Variants in ARSB observed in about 807,000 individuals in gnomAD.
ARSB encodes arylsulfatase B, also known as N-acetylgalactosamine-4-sulfatase.
In ARSB, 41 loss-of-function variants were observed where a neutral mutation model predicts 50.9. The observed-to-expected ratio is 0.81, with a 90% CI of 0.63 to 1.04. ARSB has a LOEUF of 1.04. Among genes scored for constraint, ARSB ranks in the 50% least tolerant of loss-of-function variants. The probability of loss-of-function intolerance (pLI) is 0.00; values close to 1 mark genes in which losing one functional copy is unlikely to be tolerated. For missense variants in ARSB, 672 were observed against 693.3 expected (o/e 0.97, Z 0.35); for synonymous variants, 269 against 284.8 (o/e 0.94, Z 0.56).
At chr5:78,925,772 G>A (rs1382601078) in intron 4 of ARSB, among the ~76,000 whole-genome samples, 1 of 152,134 alleles carries the variant, frequency 6.6e-6, no homozygotes, top group Non-Finnish European at 1.5e-5. Context: ...CTGGTCCCCT[G>A]TGCTTTTCGA....
chr5:78,849,542 A>C (rs200937968), intron 5 of ARSB, among the ~76,000 whole-genome samples: 1 of 151,986 alleles, frequency 6.6e-6, no homozygotes, highest in African/African-American at 2.4e-5. Flanking sequence ...TTGACTTGGC[A>C]ATGTGGGCTC....
intron 4 of ARSB, among the ~76,000 whole-genome samples, chr5:78,940,993 C>T: frequency 2.0e-5 from 3 of 151,648 alleles, no homozygotes; most frequent in Non-Finnish European, 2.9e-5. Context: ...TTGAAGAGGT[C>T]CTTCACATCC....
At chr5:78,799,087 A>C (rs1743279978) in intron 6 of ARSB, among the ~76,000 whole-genome samples, 1 of 152,224 alleles carries the variant, frequency 6.6e-6, no homozygotes, top group Non-Finnish European at 1.5e-5. Context: ...TCAGAACACA[A>C]TTTCTCTTTC....
intron 3 of ARSB, among the ~76,000 whole-genome samples, chr5:78,958,711 T>C (rs1428739772): frequency 6.6e-6 from 1 of 152,064 alleles, no homozygotes; most frequent in Non-Finnish European, 1.5e-5. Flanking sequence ...CTCTTCCTTA[T>C]TGTTCTTCTT....
chr5:78,971,418 G>A (rs1752448218), intron 1 of ARSB, among the ~76,000 whole-genome samples: 1 of 152,178 alleles, frequency 6.6e-6, no homozygotes. Context: ...GGACACAGGA[G>A]GTAAGAGTGC....
At chr5:78,917,177 A>T (rs1449212136) in intron 4 of ARSB, among the ~76,000 whole-genome samples, 3 of 152,194 alleles carry the variant, frequency 2.0e-5, no homozygotes, top group Non-Finnish European at 2.9e-5. Flanking sequence ...GCTCAAGTTC[A>T]AAGGCCCTCT....
chr5:78,804,760 C>T (rs1212122628), intron 6 of ARSB, among the ~76,000 whole-genome samples: 1 of 152,170 alleles, frequency 6.6e-6, no homozygotes, highest in Non-Finnish European at 1.5e-5. Context: ...CAGTCATTGG[C>T]CTCTGACCTC....
At chr5:78,971,522 G>C (rs1186886872) in intron 1 of ARSB, among the ~76,000 whole-genome samples, 1 of 152,196 alleles carries the variant, frequency 6.6e-6, no homozygotes, top group African/African-American at 2.4e-5. Context: ...ATAAGTGTTT[G>C]TGAGTATTTT....
Position 78,985,299 on chromosome 5 carries a change from C to T in ARSB, c.-51G>A, listed in dbSNP as rs1413629448. On this transcript the variant is annotated 5_prime_UTR_variant, in exon 1 of 8. Transcript: ENST00000264914. Reference sequence around the variant, plus strand: ...CTGTGGCGCCACCAGCCCCTTGTACCGCTGATAGAATGAGGAACTGGGCTG... The same window carrying T: ...CTGTGGCGCCACCAGCCCCTTGTACTGCTGATAGAATGAGGAACTGGGCTG... The T allele has an allele frequency of 8.0e-7, 1 of 1,250,664 alleles. No homozygotes were observed. Among genetic ancestry groups the T allele is most frequent in the East Asian group, 3.2e-5 (1 of 30,872 alleles). 77.5% of individuals were successfully genotyped at this position (1,250,664 alleles called of 1,614,324 possible).
At chr5:78,954,724 C>T (rs955192565) in intron 4 of ARSB, among the ~76,000 whole-genome samples, 34 of 152,098 alleles carry the variant, frequency 2.2e-4, no homozygotes, top group Admixed American at 1.4e-3. Context: ...AGGCTGGTCT[C>T]GAACTCCTGA....
At chr5:78,893,105 C>A (rs1231973415) in intron 4 of ARSB, among the ~76,000 whole-genome samples, 4 of 152,158 alleles carry the variant, frequency 2.6e-5, no homozygotes, top group Non-Finnish European at 5.9e-5. Flanking sequence ...GAACAAGCTT[C>A]ACGAGAGCTG....
In ARSB at chr5:78,984,920, G is replaced by GCGGGGGCGC; in HGVS notation, c.312+8_312+16dup. 1 of 1,321,920 alleles carries GCGGGGGCGC rather than the reference G, an allele frequency of 7.6e-7. No homozygotes were observed. Among genetic ancestry groups the GCGGGGGCGC allele is most frequent in the Non-Finnish European group, 9.6e-7 (1 of 1,038,964 alleles). 81.9% of individuals were successfully genotyped at this position (1,321,920 alleles called of 1,614,324 possible). A position where few individuals can be genotyped will look rare whatever the true frequency, so the allele number is the denominator to read the frequency against. On this transcript the variant is annotated intron_variant, in intron 1 of 7. Coordinates refer to ENST00000264914, the MANE Select transcript of ARSB (RefSeq NM_000046.5). Reference sequence around the variant, plus strand: ...AGGCGGGGCGGGGGCGGCGCGGGCGGCGGGGGCGCCGCGTACCTGGTAGCG... The same window carrying GCGGGGGCGC: ...AGGCGGGGCGGGGGCGGCGCGGGCGGCGGGGGCGCCGGGGGCGCCGCGTACCTGGTAGCG...
intron 6 of ARSB, among the ~76,000 whole-genome samples, chr5:78,807,077 G>A (rs80192709): frequency 2.2e-3 from 329 of 152,316 alleles, no homozygotes; most frequent in Non-Finnish European, 3.7e-3. Flanking sequence ...AGCATTCCGT[G>A]TTGGGGTGTG....
chr5:78,955,613 C>G (rs903692651), intron 3 of ARSB, 111 bp from the exon 4 acceptor site: 1 of 874,620 alleles, frequency 1.1e-6, no homozygotes, highest in Non-Finnish European at 1.9e-6. Context: ...AGACAACCTA[C>G]AGAATGCATT....
chr5:78,810,376 C>T (rs1164200643), intron 6 of ARSB, among the ~76,000 whole-genome samples: 1 of 152,210 alleles, frequency 6.6e-6, no homozygotes, highest in Non-Finnish European at 1.5e-5. Flanking sequence ...AGTGAAAACC[C>T]TTCTTGCTTT....
intron 4 of ARSB, among the ~76,000 whole-genome samples, chr5:78,907,830 C>T (rs773700774): frequency 2.0e-5 from 3 of 152,084 alleles, no homozygotes; most frequent in Non-Finnish European, 2.9e-5. Context: ...CTTTGGATTT[C>T]TAGCTTTAAA....
intron 6 of ARSB, among the ~76,000 whole-genome samples, chr5:78,835,146 A>G (rs10454896): frequency 0.23 from 34,216 of 151,988 alleles, 4,241 homozygotes; most frequent in Non-Finnish European, 0.27. Context: ...ATGTTTCTCT[A>G]TGAATGTGTA....
chr5:78,977,195 T>A, intron 1 of ARSB, among the ~76,000 whole-genome samples: 1 of 147,002 alleles, frequency 6.8e-6, no homozygotes, highest in Non-Finnish European at 1.5e-5. Context: ...GCTCTGTTGC[T>A]CAGGCTGGAG....
chr5:78,967,136 C>T (rs1272021296), intron 2 of ARSB, among the ~76,000 whole-genome samples: 1 of 152,046 alleles, frequency 6.6e-6, no homozygotes, highest in East Asian at 1.9e-4. Context: ...GTGCTCTGGC[C>T]CTAGCTTGAA....
Sources: allele counts gnomAD v4.1 joint callset (sites outside exome capture counted in the v4.1 genomes callset), GRCh38; gene constraint gnomAD v4.1.1; transcripts MANE v1.5; gene names NCBI Gene and HGNC (gene_info 2026-07-23, HGNC 2026-07-21).